The following SLC35F4 variants were observed in gnomAD, a reference collection of about 807,000 sequenced individuals.
SLC35F4 encodes chromosome 14 open reading frame 36.
SLC35F4 carries 24 observed loss-of-function variants against 44.2 expected under a neutral mutation model. The observed-to-expected ratio is 0.54, with a 90% CI of 0.39 to 0.76. SLC35F4 has a LOEUF of 0.76. Ranked by LOEUF, SLC35F4 falls within the 30% of genes least tolerant of loss-of-function variation. SLC35F4 has a pLI of 0.00. For synonymous variants in SLC35F4, 238 were observed against 223.6 expected (o/e 1.06, Z -0.57); for missense variants, 562 against 586.1 (o/e 0.96, Z 0.42).
At chr14:57,742,385 C>T (rs1182245457) in intron 1 of SLC35F4, among the ~76,000 whole-genome samples, 1 of 152,068 alleles carries the variant, frequency 6.6e-6, no homozygotes, top group Non-Finnish European at 1.5e-5. Context: ...GAAGATCTAC[C>T]AAGCAAATGG....
downstream of SLC35F4, among the ~76,000 whole-genome samples, chr14:57,972,596 A>C (rs547536390): frequency 6.6e-6 from 1 of 152,238 alleles, no homozygotes; most frequent in Non-Finnish European, 1.5e-5. Flanking sequence ...CAGAGGCTCA[A>C]AGGGTTGGAG....
chr14:57,930,251 T>C (rs74054805), intron 1 of SLC35F4, among the ~76,000 whole-genome samples: 1 of 152,192 alleles, frequency 6.6e-6, no homozygotes, highest in Admixed American at 6.5e-5. Flanking sequence ...AGGAACTGCA[T>C]CAGTTTCATA....
chr14:57,692,380 T>C (rs1461464663), intron 1 of SLC35F4, among the ~76,000 whole-genome samples: 32 of 152,146 alleles, frequency 2.1e-4, no homozygotes, highest in Admixed American at 2.0e-3. Context: ...TTTATTTCTA[T>C]AGCTAATAGT....
chr14:57,878,865 GC>G (rs778242935), intron 1 of SLC35F4, among the ~76,000 whole-genome samples: 2 of 152,114 alleles, frequency 1.3e-5, no homozygotes, highest in Non-Finnish European at 2.9e-5. Context: ...AGTCCTTGGA[GC>G]CAAATGTTCT....
chr14:57,683,066 G>A (rs1259394963), intron 1 of SLC35F4, among the ~76,000 whole-genome samples: 2 of 147,484 alleles, frequency 1.4e-5, no homozygotes, highest in Non-Finnish European at 3.0e-5. Context: ...TTAATCTCAA[G>A]TATTTTTTAG....
In SLC35F4 at chr14:57,840,036, G is replaced by C. The variant is rs1341414114; in HGVS notation, c.103+25687C>G. ...AATAATAACATTCATACATTTTATT[G>C]AGTGCCTACTCTGTCCCCAGGCACC... On this transcript the variant is annotated intron_variant, in intron 1 of 7. Coordinates refer to ENST00000556826, the MANE Select transcript of SLC35F4 (RefSeq NM_001306087.2). Among the ~76,000 whole-genome samples, 4 of 152,154 alleles carry C rather than the reference G, an allele frequency of 2.6e-5. No individual in the cohort carries two copies. In the East Asian group the frequency reaches 7.7e-4, roughly 29 times the overall value.
At chr14:57,596,962 C>A in intron 1 of SLC35F4, 1 of 1,155,864 alleles carries the variant, frequency 8.7e-7, no homozygotes, top group Non-Finnish European at 1.2e-6. Flanking sequence ...GACCTGGAGA[C>A]GTATTCAGGG....
chr14:57,696,058 G>T (rs2140348539), intron 1 of SLC35F4, among the ~76,000 whole-genome samples: 2 of 152,088 alleles, frequency 1.3e-5, no homozygotes, highest in East Asian at 3.9e-4. Context: ...CAAAAGCAAT[G>T]GCAACAAAAG....
chr14:57,806,162 A>C (rs1881292511), intron 1 of SLC35F4, among the ~76,000 whole-genome samples: 1 of 152,144 alleles, frequency 6.6e-6, no homozygotes, highest in Non-Finnish European at 1.5e-5. Flanking sequence ...TCCTTACCAA[A>C]AAAGGTGAAA....
At chr14:57,621,715 T>C (rs1001818255) in intron 1 of SLC35F4, among the ~76,000 whole-genome samples, 5 of 151,930 alleles carry the variant, frequency 3.3e-5, no homozygotes, top group African/African-American at 1.2e-4. Context: ...ATAAAAACCG[T>C]AGAAGGAAAC....
At chr14:57,905,159 G>C (rs1889082825) in intron 1 of SLC35F4, among the ~76,000 whole-genome samples, 1 of 152,188 alleles carries the variant, frequency 6.6e-6, no homozygotes, top group Non-Finnish European at 1.5e-5. Flanking sequence ...TGGGGCTGGA[G>C]GATCTGCTAC....
intron 1 of SLC35F4, among the ~76,000 whole-genome samples, chr14:57,703,810 C>T (rs1486188703): frequency 6.6e-6 from 1 of 152,160 alleles, no homozygotes; most frequent in Admixed American, 6.5e-5. Context: ...CACTTTTACA[C>T]TGTTTCAATA....
chr14:57,804,940 T>C, intron 1 of SLC35F4, among the ~76,000 whole-genome samples: 1 of 151,550 alleles, frequency 6.6e-6, no homozygotes, highest in East Asian at 1.9e-4. Context: ...GACAAAGAAC[T>C]CCATTAAAAA....
chr14:57,879,654 T>C (rs1888477149), intron 1 of SLC35F4, among the ~76,000 whole-genome samples: 1 of 152,066 alleles, frequency 6.6e-6, no homozygotes, highest in Non-Finnish European at 1.5e-5. Context: ...GTTTTTCAAG[T>C]CTCAATTCAA....
intron 1 of SLC35F4, among the ~76,000 whole-genome samples, chr14:57,719,880 G>A (rs1196457190): frequency 6.6e-6 from 1 of 151,938 alleles, no homozygotes; most frequent in East Asian, 1.9e-4. Context: ...AGGCATCCTT[G>A]TGCTCCAGAT....
At chr14:57,801,364 G>A (rs1215597186) in intron 1 of SLC35F4, among the ~76,000 whole-genome samples, 1 of 152,156 alleles carries the variant, frequency 6.6e-6, no homozygotes, top group East Asian at 1.9e-4. Context: ...GCTCCTGAAG[G>A]AAGCACTAAA....
chr14:57,619,512 C>T (rs768305830), intron 1 of SLC35F4, among the ~76,000 whole-genome samples: 5 of 152,236 alleles, frequency 3.3e-5, no homozygotes, highest in East Asian at 1.9e-4. Context: ...ACAAAAAGGA[C>T]GTCCACCAGG....
At chr14:57,942,361 C>T (rs1001951705) in intron 1 of SLC35F4, among the ~76,000 whole-genome samples, 2 of 152,184 alleles carry the variant, frequency 1.3e-5, no homozygotes, top group African/African-American at 4.8e-5. Context: ...TGATTCTAGG[C>T]TGAATTCATT....
rs1329174118 is a variant in SLC35F4 at position 57,564,154 on chromosome 14, A to G, written c.1439T>C (p.Val480Ala). ...CCCTCTCTAAGCCAGTGGTATAGAC[A>G]CTGTCCCATTGGCTCTGCCTCTGCC... ...LRGRGRANGTVSIPLA is the reference protein window; with the variant it reads ...LRGRGRANGTASIPLA Residue 480 changes from valine (V) to alanine (A), a missense_variant, in exon 8 of 8, where the codon GTG becomes GCG. Val to Ala is a moderately conservative substitution (Grantham distance 64). Transcript: ENST00000556826. 1 of 1,613,742 alleles carries G rather than the reference A, an allele frequency of 6.2e-7. No homozygotes were observed. Among genetic ancestry groups the G allele is most frequent in the Non-Finnish European group, 8.5e-7 (1 of 1,179,796 alleles).
Sources: allele counts gnomAD v4.1 joint callset (sites outside exome capture counted in the v4.1 genomes callset), GRCh38; gene constraint gnomAD v4.1.1; transcripts MANE v1.5; gene names NCBI Gene and HGNC (gene_info 2026-07-23, HGNC 2026-07-21).